The following ASPH variants were observed in gnomAD, a reference collection of about 807,000 sequenced individuals.
ASPH encodes the protein aspartate beta-hydroxylase.
ASPH carries 100 observed loss-of-function variants against 118.4 expected under a neutral mutation model. The observed-to-expected ratio is 0.84, with a 90% CI of 0.72 to 1.00. ASPH has a LOEUF of 1.00. ASPH is among the 50% of genes least tolerant of loss of function. The probability of loss-of-function intolerance (pLI) is 0.00; values close to 1 mark genes in which losing one functional copy is unlikely to be tolerated. For missense variants in ASPH, 920 were observed against 919.5 expected (o/e 1.00, Z -0.01); for synonymous variants, 315 against 325.6 (o/e 0.97, Z 0.35).
intron 3 of ASPH, chr8:61,676,157 G>A (rs1220004202): frequency 1.9e-6 from 3 of 1,599,372 alleles, no homozygotes; most frequent in East Asian, 4.5e-5. Context: ...ACCATCTGCG[G>A]TTTCGCTTTC....
At chr8:61,681,124 A>G in intron 2 of ASPH, 88 bp from the exon 3 acceptor site, 1 of 1,048,720 alleles carries the variant, frequency 9.5e-7, no homozygotes, top group Non-Finnish European at 1.4e-6. Context: ...CATGCAACTC[A>G]GTCATAAATG....
chr8:61,571,619 T>C (rs571675082), intron 16 of ASPH, among the ~76,000 whole-genome samples: 6 of 152,200 alleles, frequency 3.9e-5, no homozygotes, highest in Non-Finnish European at 7.4e-5. Flanking sequence ...GTTGAATCCA[T>C]GGATATGGAA....
At chr8:61,655,756 C>T (rs1319407006) in intron 3 of ASPH, among the ~76,000 whole-genome samples, 1 of 151,818 alleles carries the variant, frequency 6.6e-6, no homozygotes, top group Non-Finnish European at 1.5e-5. Flanking sequence ...AAGCACAGAG[C>T]AAAAAATATT....
intron 3 of ASPH, chr8:61,663,137 A>G: frequency 1.0e-6 from 1 of 985,382 alleles, no homozygotes; most frequent in Non-Finnish European, 1.2e-6. Context: ...TGGTTTGAGA[A>G]TCGTGTAACT....
chr8:61,609,840 C>G (rs1707614620), intron 14 of ASPH, among the ~76,000 whole-genome samples: 1 of 152,118 alleles, frequency 6.6e-6, no homozygotes, highest in Admixed American at 6.5e-5. Context: ...AATTTGAAGT[C>G]TTGTTTAAAT....
intron 17 of ASPH, among the ~76,000 whole-genome samples, chr8:61,565,803 G>A (rs1486316148): frequency 6.6e-6 from 1 of 152,224 alleles, no homozygotes; most frequent in Non-Finnish European, 1.5e-5. Context: ...CACCTACTGT[G>A]TTGTTAGGAG....
rs544456795 is a variant in ASPH, at chr8:61,618,453, CTTTG to C, written c.976+521_976+524del. Among the ~76,000 whole-genome samples, 16 of 152,214 alleles carry C rather than the reference CTTTG, an allele frequency of 1.1e-4. No homozygotes were observed. In the South Asian group the frequency reaches 2.1e-3, roughly 20 times the overall value. On this transcript the variant is annotated intron_variant, in intron 14 of 24. Coordinates refer to ENST00000379454, the MANE Select transcript of ASPH (RefSeq NM_004318.4). ...AATAATTCTTTCTGCATAGCTGTAACTTTGTTTGTATATCTTTCCAACAATTCAG... is the reference window on the plus strand; with the variant it reads ...AATAATTCTTTCTGCATAGCTGTAACTTTGTATATCTTTCCAACAATTCAG...
chr8:61,542,691 C>CT (rs892806535), intron 21 of ASPH, among the ~76,000 whole-genome samples: 8 of 151,600 alleles, frequency 5.3e-5, no homozygotes, highest in South Asian at 2.1e-4. Context: ...TAGTGATGCT[C>CT]TTTTTTTTTC....
chr8:61,517,775 T>A, intron 23 of ASPH, 114 bp from the exon 24 acceptor site: 1 of 1,354,256 alleles, frequency 7.4e-7, no homozygotes, highest in Non-Finnish European at 1.0e-6. Flanking sequence ...TTTGTAAGAT[T>A]TAATATTTAT....
In ASPH at chr8:61,653,639, G is replaced by A. The variant is rs1317176698; in HGVS notation, c.344C>T (p.Ser115Leu). Residue 115 changes from serine (S) to leucine (L), a missense_variant, in exon 4 of 25, where the codon TCA (serine) becomes TTA (leucine). Coordinates refer to ENST00000379454, the MANE Select transcript of ASPH (RefSeq NM_004318.4). ...CTCTTCTGGCGGGACTGCTGGCTCT[G>A]AAGTAGATCTCTCTTTAAGTCCTGC... ...VLLGLKERSTSEPAVPPEEAE... is the reference protein window; with the variant it reads ...VLLGLKERSTLEPAVPPEEAE... 2 of 1,613,860 alleles carry A rather than the reference G, an allele frequency of 1.2e-6. No homozygotes were observed. Among genetic ancestry groups the A allele is most frequent in the Admixed American group, 1.7e-5 (1 of 59,998 alleles).
At chr8:61,686,591 A>G (rs1041774843) in intron 1 of ASPH, among the ~76,000 whole-genome samples, 2 of 152,240 alleles carry the variant, frequency 1.3e-5, no homozygotes, top group South Asian at 2.1e-4. Context: ...TTATTTCTAT[A>G]TAACATACAG....
intron 13 of ASPH, chr8:61,623,789 G>C (rs982158966): frequency 6.6e-6 from 1 of 152,140 alleles, no homozygotes; most frequent in African/African-American, 2.4e-5. Flanking sequence ...GTCAACAGAC[G>C]AATGAAGAAA....
rs375445620 is a variant in ASPH, at chr8:61,526,084, C to A, written c.1793G>T (p.Arg598Leu). Reference sequence around the variant, plus strand: ...ATCCATCACTGCAAGGCCTTCATCTCGGATTAACTTCCAGTTTCTTTCTAA... The same window carrying A: ...ATCCATCACTGCAAGGCCTTCATCTAGGATTAACTTCCAGTTTCTTTCTAA... ...KSLERNWKLIRDEGLAVMDKA... is the reference protein window; with the variant it reads ...KSLERNWKLILDEGLAVMDKA... Residue 598 changes from arginine (R) to leucine (L), a missense_variant, in exon 22 of 25, where the codon CGA becomes CTA. Arg to Leu is a moderately radical substitution (Grantham distance 102, BLOSUM62 -2). Transcript: ENST00000379454. The A allele has an allele frequency of 6.2e-7, 1 of 1,613,984 alleles. No homozygotes were observed. The highest frequency in any genetic ancestry group is 1.3e-5 in the African/African-American group (1 of 75,010).
At chr8:61,700,016 C>T (rs977500067) in intron 1 of ASPH, among the ~76,000 whole-genome samples, 2 of 152,202 alleles carry the variant, frequency 1.3e-5, no homozygotes, top group Admixed American at 6.5e-5. Flanking sequence ...GAAGTACCAG[C>T]GTTTGTACCA....
At chr8:61,517,731 C>T in intron 23 of ASPH, 70 bp from the exon 24 acceptor site, 3 of 1,544,058 alleles carry the variant, frequency 1.9e-6, no homozygotes, top group Non-Finnish European at 2.7e-6. Context: ...GTTAAGGTGA[C>T]AGTACAAAAT....
intron 24 of ASPH, among the ~76,000 whole-genome samples, chr8:61,512,262 G>C (rs1473044074): frequency 6.6e-6 from 1 of 152,028 alleles, no homozygotes; most frequent in African/African-American, 2.4e-5. Context: ...ACCTGATTTG[G>C]AAAAAAGATC....
chr8:61,628,323 C>CTTTT (rs398008041), intron 13 of ASPH: 30 of 196,660 alleles, frequency 1.5e-4, no homozygotes, highest in South Asian at 3.5e-4. Context: ...CCAAGCCCGG[C>CTTTT]TTTTTTTTTT....
intron 1 of ASPH, among the ~76,000 whole-genome samples, chr8:61,692,643 C>A (rs1055572861): frequency 1.3e-5 from 2 of 152,302 alleles, no homozygotes; most frequent in Middle Eastern, 3.4e-3. Context: ...CTGAATACTT[C>A]CTTCCCCTCA....
intron 21 of ASPH, among the ~76,000 whole-genome samples, chr8:61,534,387 A>C (rs1208136336): frequency 6.6e-6 from 1 of 152,226 alleles, no homozygotes; most frequent in Non-Finnish European, 1.5e-5. Context: ...TTAGCCGGCA[A>C]AACCCCTTAT....
Sources: gnomAD v4.1 joint callset for allele counts (sites outside exome capture counted in the v4.1 genomes callset) on GRCh38, gnomAD v4.1.1 for gene constraint, MANE v1.5 for transcripts, NCBI Gene and HGNC (gene_info 2026-07-23, HGNC 2026-07-21) for gene names.